The following ABTB2 variants were observed in gnomAD, a reference collection of about 807,000 sequenced individuals.
ABTB2 encodes the protein ankyrin repeat and BTB domain containing 2, also known as ankyrin repeat and BTB/POZ domain-containing protein 2.
Under a neutral mutation model 104.1 loss-of-function variants are expected in ABTB2, and 56 were observed. The ratio of observed to expected loss-of-function variants is 0.54; its 90% CI spans 0.43 to 0.67. The LOEUF is 0.67. ABTB2 is among the 30% of genes least tolerant of loss of function. The pLI, the probability that ABTB2 is intolerant of heterozygous loss-of-function variation, is 0.00. For synonymous variants in ABTB2, 606 were observed against 608.2 expected, an observed-to-expected ratio of 1.00 and a Z score of 0.05; for missense variants, 1,279 against 1,407.7, an observed-to-expected ratio of 0.91 and a Z score of 1.46.
intron 1 of ABTB2, chr11:34,335,832 A>G: frequency 7.7e-7 from 1 of 1,299,402 alleles, no homozygotes; most frequent in Non-Finnish European, 1.1e-6. Flanking sequence ...TAGTTTCATC[A>G]GGCCACACCT....
chr11:34,174,451 G>A (rs1852935563), intron 3 of ABTB2, among the ~76,000 whole-genome samples: 1 of 152,234 alleles, frequency 6.6e-6, no homozygotes, highest in South Asian at 2.1e-4. Context: ...GGCGGCGGCA[G>A]GCTTAGAGCT....
intron 3 of ABTB2, among the ~76,000 whole-genome samples, chr11:34,191,274 G>GA (rs1370848652): frequency 7.9e-5 from 12 of 152,074 alleles, no homozygotes; most frequent in East Asian, 1.9e-4. Flanking sequence ...CTCTTAAAGA[G>GA]AAAAAAAGCC....
intron 1 of ABTB2, among the ~76,000 whole-genome samples, chr11:34,234,389 T>C (rs750119196): frequency 2.0e-5 from 3 of 152,182 alleles, no homozygotes; most frequent in Non-Finnish European, 2.9e-5. Flanking sequence ...GTAACCGGAA[T>C]ATCAGAGACA....
chr11:34,342,270 T>A (rs1364832075), intron 1 of ABTB2, among the ~76,000 whole-genome samples: 1 of 152,226 alleles, frequency 6.6e-6, no homozygotes, highest in African/African-American at 2.4e-5. Flanking sequence ...CCCACAGTTC[T>A]CAGGCGCAGC....
chr11:34,153,916 T>C (rs1287420221), intron 16 of ABTB2, among the ~76,000 whole-genome samples: 3 of 152,180 alleles, frequency 2.0e-5, no homozygotes, highest in African/African-American at 7.2e-5. Flanking sequence ...ATGGGACAGC[T>C]AGGGAGGCAC....
intron 9 of ABTB2, among the ~76,000 whole-genome samples, chr11:34,164,134 T>TTC (rs1852763143): frequency 1.3e-5 from 2 of 152,202 alleles, no homozygotes; most frequent in South Asian, 2.1e-4. Context: ...CAGCCCCGTT[T>TTC]CTGCCCTGTA....
chr11:34,318,795 C>T (rs1854969289), intron 1 of ABTB2, among the ~76,000 whole-genome samples: 1 of 152,140 alleles, frequency 6.6e-6, no homozygotes, highest in Non-Finnish European at 1.5e-5. Flanking sequence ...GATAAGGATC[C>T]AGCATGTTGC....
At chr11:34,317,347 A>C (rs1165682812) in intron 1 of ABTB2, among the ~76,000 whole-genome samples, 1 of 152,074 alleles carries the variant, frequency 6.6e-6, no homozygotes, top group Non-Finnish European at 1.5e-5. Flanking sequence ...TTCCTGGGCA[A>C]GGGAGTTGGG....
In ABTB2 at chr11:34,160,348, G is replaced by A. The variant is rs763336886; in HGVS notation, c.2403C>T (p.Asp801=). ...MFDILKTSKN[D]SVIQQLATIF... is the part of the protein sequence containing the mutation. ...TGGTAGCCAGTTGCTGGATGACGGA[G>A]TCGTTCTGTGGGGAGAGGAGAGAGG... Residue 801 remains aspartate (D), a synonymous_variant, in exon 12 of 17, where the codon GAC becomes GAT. Transcript: ENST00000435224. 7 of 1,613,636 alleles carry A rather than the reference G, an allele frequency of 4.3e-6. No individual in the cohort carries two copies. Among genetic ancestry groups the A allele is most frequent in the Non-Finnish European group, 5.9e-6 (7 of 1,179,596 alleles).
chr11:34,354,764 T>G (rs963090812), intron 1 of ABTB2, among the ~76,000 whole-genome samples: 4 of 152,236 alleles, frequency 2.6e-5, no homozygotes, highest in Admixed American at 6.5e-5. Context: ...TTGTTTTGTT[T>G]TGCATTTACA....
chr11:34,306,236 A>ATTTTTTTTTTTTTTTTTTT, intron 1 of ABTB2, among the ~76,000 whole-genome samples: 1 of 71,960 alleles, frequency 1.4e-5, no homozygotes. Flanking sequence ...GGAAAGTTTG[A>ATTTTTTTTTTTTTTTTTTT]TTTTTTTTTT....
intron 1 of ABTB2, among the ~76,000 whole-genome samples, chr11:34,329,299 G>T (rs1855103835): frequency 6.6e-6 from 1 of 152,186 alleles, no homozygotes; most frequent in African/African-American, 2.4e-5. Context: ...TACTTAATGT[G>T]GTGATGTGTT....
intron 1 of ABTB2, among the ~76,000 whole-genome samples, chr11:34,344,565 C>T (rs1301873345): frequency 1.3e-5 from 2 of 152,166 alleles, no homozygotes; most frequent in Non-Finnish European, 2.9e-5. Flanking sequence ...GGTGTGATAC[C>T]GGCTTACTGC....
Position 34,152,062 on chromosome 11 carries a change from C to G in ABTB2, c.*325G>C. 1 of 366,216 alleles carries G rather than the reference C, an allele frequency of 2.7e-6. No homozygotes were observed. The highest frequency in any genetic ancestry group is 5.2e-6 in the Non-Finnish European group (1 of 193,150). The allele number at this position is 366,216 out of a possible 1,614,324, so 22.7% of individuals were successfully genotyped here. A position where few individuals can be genotyped will look rare whatever the true frequency, so the allele number is the denominator to read the frequency against. ...GTGAGTAGAGCTTGGAGGGCCTGGG[C>G]GGAGGTGGATCAGGATCAGCTGCTG... is the stretch of plus-strand genomic sequence containing the variant. On this transcript the variant is annotated 3_prime_UTR_variant, in exon 17 of 17. Coordinates refer to ENST00000435224, the MANE Select transcript of ABTB2 (RefSeq NM_145804.3).
chr11:34,255,782 GC>G (rs1206872473), intron 1 of ABTB2, among the ~76,000 whole-genome samples: 1 of 152,182 alleles, frequency 6.6e-6, no homozygotes, highest in Non-Finnish European at 1.5e-5. Context: ...CTCCCAAAGT[GC>G]TGGGATTACA....
At chr11:34,310,048 T>C (rs758152994) in intron 1 of ABTB2, among the ~76,000 whole-genome samples, 3 of 152,158 alleles carry the variant, frequency 2.0e-5, no homozygotes, top group Non-Finnish European at 2.9e-5. Flanking sequence ...GTAACAGTGA[T>C]AGTAACTTCT....
At chr11:34,214,999 T>C (rs555955124) in intron 1 of ABTB2, among the ~76,000 whole-genome samples, 152 of 152,316 alleles carry the variant, frequency 1.0e-3, no homozygotes, top group African/African-American at 3.5e-3. Flanking sequence ...TCATTCCAAG[T>C]ATCTATCATC....
Position 34,204,612 on chromosome 11 carries a change from G to A in ABTB2, c.962C>T (p.Ala321Val). Residue 321 changes from alanine to valine, a missense_variant, in exon 2 of 17, where the codon GCC becomes GTC. Transcript: ENST00000435224. ...LGHDERADAY[A>V]QLELRTLEQS... ...CTCCAGGGTTCGGAGCTCCAGCTGGGCATAGGCATCGGCTCGCTCGTCATG... is the reference window on the plus strand; with the variant it reads ...CTCCAGGGTTCGGAGCTCCAGCTGGACATAGGCATCGGCTCGCTCGTCATG... 2 of 1,613,852 alleles carry A rather than the reference G, an allele frequency of 1.2e-6. No homozygotes were observed. Among genetic ancestry groups the A allele is most frequent in the Non-Finnish European group, 1.7e-6 (2 of 1,180,000 alleles).
At chr11:34,176,195 G>A (rs764353622) in intron 3 of ABTB2, among the ~76,000 whole-genome samples, 1 of 142,520 alleles carries the variant, frequency 7.0e-6, no homozygotes, top group Non-Finnish European at 1.5e-5. Flanking sequence ...CATAAGTATC[G>A]CTTAAACCTG....
Sources: allele counts gnomAD v4.1 joint callset (sites outside exome capture counted in the v4.1 genomes callset), GRCh38; gene constraint gnomAD v4.1.1; transcripts MANE v1.5; gene names NCBI Gene and HGNC (gene_info 2026-07-23, HGNC 2026-07-21).